The following POMC variants were observed in gnomAD, a reference collection of about 807,000 sequenced individuals.
POMC encodes the protein proopiomelanocortin, also known as pro-opiomelanocortin.
POMC carries 19 observed loss-of-function variants against 18.5 expected under a neutral mutation model. That is an observed-to-expected ratio of 1.03 (90% confidence interval 0.72 to 1.51). The LOEUF is 1.51. Ranked by LOEUF, POMC falls within the 40% of genes most tolerant of loss-of-function variation. The pLI is 0.00. For missense variants in POMC, 451 were observed against 379.0 expected (o/e 1.19, Z -1.58); for synonymous variants, 179 against 161.9 (o/e 1.11, Z -0.80).
intron 2 of POMC, 79 bp downstream of exon 2, chr2:25,164,562 C>T (rs1162447780): frequency 6.2e-7 from 1 of 1,604,642 alleles, no homozygotes; most frequent in Non-Finnish European, 8.5e-7. Flanking sequence ...TCCCTTTCCC[C>T]ACACCCTTTT....
rs1671404704 is a variant in POMC at position 25,161,900 on chromosome 2, T to G, written c.133-148A>C. ...GTCGGGCGTGTCAAGCGTCGAGGCC[T>G]CCCTACAGAGCAGGTCTGCCCACCT... On this transcript the variant is annotated intron_variant, in intron 2 of 2. Transcript: ENST00000395826. This position sits in a 1 kb window ranked among gnomAD's most constrained non-coding sequence, Gnocchi z 5.7. 1.3e-5 allele frequency: 18 copies of G among 1,360,908 alleles called. No homozygotes were observed. The South Asian group carries it at 2.3e-4, about 17-fold the overall frequency. 84.3% of individuals were successfully genotyped at this position (1,360,908 alleles called of 1,614,324 possible).
At position 25,161,228 on chromosome 2, in the gene POMC, G is replaced by T; in HGVS notation, c.657C>A (p.Gly219=). ...AGCGGAAGTGCTCCATCCTGTAGGG[G>T]CCCTCGTCCTTCTTCTCGGCCGCCA... ...LLVAAEKKDE[G]PYRMEHFRWG... The change falls in exon 3 of 3, where the codon GGC becomes GGA. Residue 219 remains glycine (G), a synonymous_variant. Coordinates refer to ENST00000395826, the MANE Select transcript of POMC (RefSeq NM_000939.4). The surrounding 1 kb of genome is among the most constrained non-coding windows in gnomAD (Gnocchi z 5.7). The T allele has an allele frequency of 6.2e-7, 1 of 1,612,978 alleles. No homozygotes were observed. The highest frequency in any genetic ancestry group is 8.5e-7 in the Non-Finnish European group (1 of 1,179,654).
At chr2:25,167,259 G>A (rs1311430414) in intron 1 of POMC, among the ~76,000 whole-genome samples, 1 of 152,126 alleles carries the variant, frequency 6.6e-6, no homozygotes, top group Non-Finnish European at 1.5e-5. Context: ...AATCTGTGCA[G>A]AGTTTATAAA....
chr2:25,161,138 G>A lies in POMC; in HGVS notation c.747C>T (p.Pro249=), dbSNP rs370416211. The A allele has an allele frequency of 6.8e-6, 11 of 1,614,002 alleles. No homozygotes were observed. The highest frequency in any genetic ancestry group is 9.3e-6 in the Non-Finnish European group (11 of 1,180,000). Residue 249 remains proline, a synonymous_variant, in exon 3 of 3, where the codon CCC becomes CCT. Coordinates refer to ENST00000395826, the MANE Select transcript of POMC (RefSeq NM_000939.4). The surrounding 1 kb of genome is among the most constrained non-coding windows in gnomAD (Gnocchi z 5.7). ...GFMTSEKSQT[P]LVTLFKNAII... is the part of the protein sequence containing the mutation. ...TGGCGTTTTTGAACAGCGTCACCAG[G>A]GGCGTCTGGCTCTTCTCGGAGGTCA...
In POMC at chr2:25,168,254, C is replaced by A. The variant is rs1348996454; in HGVS notation, c.-21+244G>T. The stretch of plus-strand genomic sequence containing the variant: ...CCTGGGGGAGAGGAGGCCGCCGGCT[C>A]CCTGGAGACAGCGCCTGCAGCTTCG... On this transcript the variant is annotated intron_variant, in intron 1 of 2. Coordinates refer to ENST00000395826, the MANE Select transcript of POMC (RefSeq NM_000939.4). The surrounding 1 kb of genome is among the most constrained non-coding windows in gnomAD (Gnocchi z 5.2). Among the ~76,000 whole-genome samples, 1 of 152,206 alleles carries A rather than the reference C, an allele frequency of 6.6e-6. No individual in the cohort carries two copies. Among genetic ancestry groups the A allele is most frequent in the Non-Finnish European group, 1.5e-5 (1 of 68,030 alleles).
chr2:25,161,495 C>T lies in POMC; in HGVS notation c.390G>A (p.Pro130=), dbSNP rs780824193. 1 of 1,603,392 alleles carries T rather than the reference C, an allele frequency of 6.2e-7. No homozygotes were observed. The highest frequency in any genetic ancestry group is 8.5e-7 in the Non-Finnish European group (1 of 1,175,852). The change falls in exon 3 of 3, where the codon CCG becomes CCA. Residue 130 remains proline (P), a synonymous_variant. Transcript: ENST00000395826. The surrounding 1 kb of genome is among the most constrained non-coding windows in gnomAD (Gnocchi z 5.7). The stretch of plus-strand genomic sequence containing the variant: ...AGGAGCGCTTGCCCTCGCGCGGGCC[C>T]GGCTTGGCACCATCGCTGCGGGGCT... ...GPEPRSDGAK[P]GPREGKRSYS... is the part of the protein sequence containing the mutation.
chr2:25,164,522 T>A (rs1671488457), intron 2 of POMC, 119 bp downstream of exon 2: 1 of 1,525,142 alleles, frequency 6.6e-7, no homozygotes, highest in Admixed American at 1.7e-5. Flanking sequence ...CTGCCCTGGA[T>A]TGAATCACGC....
At position 25,168,579 on chromosome 2, in the gene POMC, C is replaced by T. The variant is rs1671640959; in HGVS notation, c.-102G>A. On this transcript the variant is annotated 5_prime_UTR_variant, in exon 1 of 3. Coordinates refer to ENST00000395826, the MANE Select transcript of POMC (RefSeq NM_000939.4). This position sits in a 1 kb window ranked among gnomAD's most constrained non-coding sequence, Gnocchi z 5.2. The stretch of plus-strand genomic sequence containing the variant: ...CGGCTCTTCTTCCCCTCCTTCGCCG[C>T]CGCTTGGTCCCGCGCTCCTCTGTCC... 1 of 152,314 alleles carries T rather than the reference C, an allele frequency of 6.6e-6. No homozygotes were observed. Among genetic ancestry groups the T allele is most frequent in the Non-Finnish European group, 1.5e-5 (1 of 68,126 alleles). The allele number at this position is 152,314 out of a possible 1,614,324, so 9.4% of individuals were successfully genotyped here. A position where few individuals can be genotyped will look rare whatever the true frequency, so the allele number is the denominator to read the frequency against.
rs763531551 is a variant in POMC at position 25,164,661 on chromosome 2, T to A, written c.112A>T (p.Thr38Ser). The A allele has an allele frequency of 5.6e-6, 9 of 1,614,156 alleles. No homozygotes were observed. The Admixed American group carries it at 1.5e-4, about 27-fold the overall frequency. Residue 38 changes from threonine (T) to serine (S), a missense_variant, in exon 2 of 3, where the codon ACC becomes TCC. Thr to Ser is a moderately conservative substitution (Grantham distance 58). Coordinates refer to ENST00000395826, the MANE Select transcript of POMC (RefSeq NM_000939.4). ...CGTACCAGCAGGTTGCTTTCCGTGG[T>A]GAGGTCCTGACACTGGCTGCTCTCC... ...CLESSQCQDL[T>S]TESNLLECIR...
rs1034044333 is a variant in POMC, at chr2:25,161,071, C to A, written c.*10G>T. On this transcript the variant is annotated 3_prime_UTR_variant, in exon 3 of 3. Transcript: ENST00000395826. The surrounding 1 kb of genome is among the most constrained non-coding windows in gnomAD (Gnocchi z 5.7). ...CTGGGGGAGGGTAGCCCTGGGGCCC[C>A]GCTGTGCCCTCACTCGCCCTTCTTG... 3 of 1,613,832 alleles carry A rather than the reference C, an allele frequency of 1.9e-6. No homozygotes were observed. Among genetic ancestry groups the A allele is most frequent in the African/African-American group, 2.7e-5 (2 of 74,890 alleles).
chr2:25,161,357 G>T lies in POMC; in HGVS notation c.528C>A (p.Phe176Leu). 1 of 1,606,438 alleles carries T rather than the reference G, an allele frequency of 6.2e-7. No individual in the cohort carries two copies. Among genetic ancestry groups the T allele is most frequent in the African/African-American group, 1.3e-5 (1 of 74,918 alleles). Reference protein sequence around the residue: ...DESAEAFPLEFKRELTGQRLR... With the variant: ...DESAEAFPLELKRELTGQRLR... Reference sequence around the variant, plus strand: ...GTCGCTGGCCAGTCAGCTCCCTCTTGAACTCCAGGGGGAAGGCCTCGGCCG... The same window carrying T: ...GTCGCTGGCCAGTCAGCTCCCTCTTTAACTCCAGGGGGAAGGCCTCGGCCG... Residue 176 changes from phenylalanine to leucine, a missense_variant, in exon 3 of 3, where the codon TTC (phenylalanine) becomes TTA (leucine). Physicochemically the swap from Phe to Leu is conservative, Grantham distance 22. Transcript: ENST00000395826. The surrounding 1 kb of genome is among the most constrained non-coding windows in gnomAD (Gnocchi z 5.7).
Position 25,164,558 on chromosome 2 carries a change from T to G in POMC, c.132+83A>C, listed in dbSNP as rs546529957. The G allele has an allele frequency of 6.9e-6, 11 of 1,600,134 alleles. No individual in the cohort carries two copies. The Admixed American group carries it at 1.8e-4, about 27-fold the overall frequency. ...CTATCACTGGGAATGAATTTCCCTT[T>G]CCCCACACCCTTTTCTTTTGAGCTT... On this transcript the variant is annotated intron_variant, in intron 2 of 2. Transcript: ENST00000395826.
In POMC at chr2:25,161,745, A is replaced by T; in HGVS notation, c.140T>A (p.Ile47Asn). 6.3e-7 allele frequency: 1 copy of T among 1,593,628 alleles called. No homozygotes were observed. The highest frequency in any genetic ancestry group is 8.5e-7 in the Non-Finnish European group (1 of 1,171,376). Residue 47 changes from isoleucine to asparagine, a missense_variant, in exon 3 of 3, where the codon ATC becomes AAC. Transcript: ENST00000395826. The surrounding 1 kb of genome is among the most constrained non-coding windows in gnomAD (Gnocchi z 5.7). ...CGAGAGGTCGGGCTTGCAGGCCCGG[A>T]TGCACTCCTGGGGGAAGACGCGAGG... ...LTTESNLLEC[I>N]RACKPDLSAE...
At position 25,161,084 on chromosome 2, in the gene POMC, C is replaced by T. The variant is rs779850714; in HGVS notation, c.801G>A (p.Glu267=). The T allele has an allele frequency of 6.8e-6, 11 of 1,613,942 alleles. No homozygotes were observed. In the East Asian group the frequency reaches 8.9e-5, roughly 13 times the overall value. The change falls in exon 3 of 3, where the codon GAG becomes GAA. Residue 267 remains glutamate, a synonymous_variant. Coordinates refer to ENST00000395826, the MANE Select transcript of POMC (RefSeq NM_000939.4). The surrounding 1 kb of genome is among the most constrained non-coding windows in gnomAD (Gnocchi z 5.7). ...GCCCTGGGGCCCCGCTGTGCCCTCA[C>T]TCGCCCTTCTTGTAGGCGTTCTTGA... The part of the protein sequence containing the change: ...AIIKNAYKKG[E]
At chr2:25,166,345 G>T (rs1030604374) in intron 1 of POMC, among the ~76,000 whole-genome samples, 2 of 152,196 alleles carry the variant, frequency 1.3e-5, no homozygotes, top group African/African-American at 4.8e-5. Flanking sequence ...TGTTCCCATT[G>T]TACCCTGCCA....
At chr2:25,166,624 A>T (rs545109686) in intron 1 of POMC, among the ~76,000 whole-genome samples, 1 of 152,238 alleles carries the variant, frequency 6.6e-6, no homozygotes, top group Non-Finnish European at 1.5e-5. Flanking sequence ...GCTAGAAGCA[A>T]TGACTTCAGG....
chr2:25,167,973 G>A (rs1238250117), intron 1 of POMC, among the ~76,000 whole-genome samples: 2 of 152,152 alleles, frequency 1.3e-5, no homozygotes, highest in Non-Finnish European at 2.9e-5. Flanking sequence ...GACCAACATG[G>A]AGAAACTCCG....
rs369203419 is a variant in POMC at position 25,161,056 on chromosome 2, G to T, written c.*25C>A. The T allele has an allele frequency of 1.2e-5, 20 of 1,613,926 alleles. No homozygotes were observed. Among genetic ancestry groups the T allele is most frequent in the East Asian group, 6.7e-5 (3 of 44,868 alleles). On this transcript the variant is annotated 3_prime_UTR_variant, in exon 3 of 3. Coordinates refer to ENST00000395826, the MANE Select transcript of POMC (RefSeq NM_000939.4). The surrounding 1 kb of genome is among the most constrained non-coding windows in gnomAD (Gnocchi z 5.7). ...TTTGGGGTCGACCTCCTGGGGGAGG[G>T]TAGCCCTGGGGCCCCGCTGTGCCCT... is the stretch of plus-strand genomic sequence containing the variant.
rs560234150 is a variant in POMC, at chr2:25,161,510, G to C, written c.375C>G (p.Ser125Arg). 3.3e-5 allele frequency: 53 copies of C among 1,597,152 alleles called. No homozygotes were observed. Among genetic ancestry groups the C allele is most frequent in the Admixed American group, 8.5e-5 (5 of 58,488 alleles). ...PLPEGGPEPR[S>R]DGAKPGPREG... Reference sequence around the variant, plus strand: ...CGCGCGGGCCCGGCTTGGCACCATCGCTGCGGGGCTCGGGGCCGCCCTCAG... The same window carrying C: ...CGCGCGGGCCCGGCTTGGCACCATCCCTGCGGGGCTCGGGGCCGCCCTCAG... The change falls in exon 3 of 3, where the codon AGC becomes AGG. Residue 125 changes from serine to arginine, a missense_variant. Physicochemically the swap from Ser to Arg is moderately radical, Grantham distance 110. Transcript: ENST00000395826. The surrounding 1 kb of genome is among the most constrained non-coding windows in gnomAD (Gnocchi z 5.7).
Sources: allele counts gnomAD v4.1 joint callset (sites outside exome capture counted in the v4.1 genomes callset), GRCh38; gene constraint gnomAD v4.1.1; non-coding constraint Gnocchi (gnomAD v3.1); transcripts MANE v1.5; gene names NCBI Gene and HGNC (gene_info 2026-07-23, HGNC 2026-07-21).